LIPI: variants seen among roughly 807,000 people sequenced by gnomAD.
The protein encoded by LIPI is lipase member I.
Under a neutral mutation model 50.6 loss-of-function variants are expected in LIPI, and 59 were observed. The ratio of observed to expected loss-of-function variants is 1.16; its 90% CI spans 0.94 to 1.45. The LOEUF is 1.45. LIPI is among the 40% of genes most tolerant of loss of function. LIPI has a pLI of 0.00. For synonymous variants in LIPI, 203 were observed against 178.2 expected, an observed-to-expected ratio of 1.14 and a Z score of -1.11; for missense variants, 586 against 536.3, an observed-to-expected ratio of 1.09 and a Z score of -0.92.
At chr21:14,134,587 AAT>A (rs778926874) in intron 9 of LIPI, among the ~76,000 whole-genome samples, 24 of 152,190 alleles carry the variant, frequency 1.6e-4, no homozygotes, top group Non-Finnish European at 1.8e-4. Flanking sequence ...CTGGTATAAA[AAT>A]AGACACACAG....
At chr21:14,111,762 T>G (rs1189300712) in intron 9 of LIPI, among the ~76,000 whole-genome samples, 1 of 152,122 alleles carries the variant, frequency 6.6e-6, no homozygotes, top group Non-Finnish European at 1.5e-5. Flanking sequence ...GAGTTGAATT[T>G]TTTGTATAAG....
At chr21:14,164,018 T>C (rs1051516942) in intron 6 of LIPI, among the ~76,000 whole-genome samples, 2 of 150,478 alleles carry the variant, frequency 1.3e-5, no homozygotes, top group Non-Finnish European at 3.0e-5. Context: ...GTACTGTATG[T>C]TGTGCATATA....
At chr21:14,201,431 AC>A (rs1440104838) in intron 1 of LIPI, among the ~76,000 whole-genome samples, 1 of 152,030 alleles carries the variant, frequency 6.6e-6, no homozygotes, top group African/African-American at 2.4e-5. Flanking sequence ...ATAAAAACTA[AC>A]AACTCCATTA....
intron 3 of LIPI, among the ~76,000 whole-genome samples, chr21:14,184,211 C>T (rs1010747453): frequency 6.6e-6 from 1 of 152,054 alleles, no homozygotes; most frequent in Admixed American, 6.6e-5. Flanking sequence ...TCATTCTCAG[C>T]AAACTATCGC....
At chr21:14,128,857 G>A (rs1333181818) in intron 9 of LIPI, among the ~76,000 whole-genome samples, 1 of 152,072 alleles carries the variant, frequency 6.6e-6, no homozygotes, top group African/African-American at 2.4e-5. Context: ...AGTCAACTGT[G>A]ATCAGAGCCT....
intron 1 of LIPI, among the ~76,000 whole-genome samples, chr21:14,201,994 G>C (rs2020070561): frequency 6.6e-6 from 1 of 152,060 alleles, no homozygotes; most frequent in Non-Finnish European, 1.5e-5. Context: ...AAAGTCTCAG[G>C]ATACAAAATC....
chr21:14,187,965 C>T (rs2019513317), intron 2 of LIPI, among the ~76,000 whole-genome samples: 1 of 152,170 alleles, frequency 6.6e-6, no homozygotes, highest in South Asian at 2.1e-4. Context: ...CTGGCCACTA[C>T]ATATAACGGC....
chr21:14,197,411 T>G (rs1048330493), intron 1 of LIPI, among the ~76,000 whole-genome samples: 5 of 151,984 alleles, frequency 3.3e-5, no homozygotes, highest in African/African-American at 1.2e-4. Context: ...AAATAGCCAG[T>G]ATAGAGGATA....
intron 2 of LIPI, among the ~76,000 whole-genome samples, chr21:14,188,463 G>T (rs980003576): frequency 1.3e-5 from 2 of 150,454 alleles, no homozygotes; most frequent in Non-Finnish European, 2.9e-5. Context: ...AGCTACTCGG[G>T]TGGCTGATGC....
chr21:14,196,042 C>T (rs992703203), intron 1 of LIPI, among the ~76,000 whole-genome samples: 10 of 150,524 alleles, frequency 6.6e-5, no homozygotes, highest in Admixed American at 2.7e-4. Context: ...GTTACATGCA[C>T]TTATATGACC....
chr21:14,130,789 C>A (rs1312836578), intron 9 of LIPI, among the ~76,000 whole-genome samples: 2 of 145,620 alleles, frequency 1.4e-5, no homozygotes, highest in African/African-American at 5.1e-5. Context: ...GGACTGAGGT[C>A]TAGCCTGCCC....
chr21:14,126,917 T>G (rs2017089451), intron 9 of LIPI, among the ~76,000 whole-genome samples: 1 of 152,184 alleles, frequency 6.6e-6, no homozygotes, highest in Non-Finnish European at 1.5e-5. Context: ...AAATTTTGAT[T>G]GGGGTGGTGA....
At chr21:14,118,573 G>A (rs1393163501) in intron 9 of LIPI, among the ~76,000 whole-genome samples, 1 of 152,146 alleles carries the variant, frequency 6.6e-6, no homozygotes, top group African/African-American at 2.4e-5. Flanking sequence ...GGCAAAGAAA[G>A]GTTATGGTAT....
At chr21:14,123,641 A>G (rs2016944125) in intron 9 of LIPI, among the ~76,000 whole-genome samples, 1 of 152,148 alleles carries the variant, frequency 6.6e-6, no homozygotes, top group South Asian at 2.1e-4. Context: ...TGGAAAGATA[A>G]CAAATGGCCT....
At chr21:14,154,622 A>C (rs1444676155) in intron 7 of LIPI, among the ~76,000 whole-genome samples, 1 of 152,088 alleles carries the variant, frequency 6.6e-6, no homozygotes, top group African/African-American at 2.4e-5. Flanking sequence ...GATAGAAAAG[A>C]AGAATAAAGA....
chr21:14,145,702 G>A (rs2017879091), intron 8 of LIPI, among the ~76,000 whole-genome samples: 1 of 151,782 alleles, frequency 6.6e-6, no homozygotes, highest in Non-Finnish European at 1.5e-5. Context: ...GAGGACAGAA[G>A]TGAAGGGAAA....
intron 1 of LIPI, among the ~76,000 whole-genome samples, chr21:14,203,527 C>A (rs1038398593): frequency 7.9e-5 from 12 of 152,002 alleles, no homozygotes; most frequent in Admixed American, 6.6e-4. Flanking sequence ...AGTTCATGTC[C>A]TTTGTAGGGA....
At chr21:14,167,083 C>T (rs1181841927) in intron 4 of LIPI, among the ~76,000 whole-genome samples, 2 of 152,202 alleles carry the variant, frequency 1.3e-5, no homozygotes, top group African/African-American at 4.8e-5. Flanking sequence ...CTCGGAGGGT[C>T]CTACGCCCAC....
At chr21:14,143,360 A>T (rs988325984) in intron 9 of LIPI, 1 of 152,206 alleles carries the variant, frequency 6.6e-6, no homozygotes, top group Non-Finnish European at 1.5e-5. Context: ...TTTTGCCATT[A>T]TAGCAACATC....
Sources: allele counts gnomAD v4.1 joint callset (sites outside exome capture counted in the v4.1 genomes callset), GRCh38; gene constraint gnomAD v4.1.1; transcripts MANE v1.5; gene names NCBI Gene and HGNC (gene_info 2026-07-23, HGNC 2026-07-21).